Variants in SYNPO observed in about 807,000 individuals in gnomAD.
SYNPO encodes the protein synaptopodin.
In SYNPO, 19 loss-of-function variants were observed where a neutral mutation model predicts 49.5. The ratio of observed to expected loss-of-function variants is 0.38; its 90% CI spans 0.27 to 0.56. The LOEUF is 0.56. Among genes scored for constraint, SYNPO ranks in the 20% least tolerant of loss-of-function variants. The pLI is 0.68. For synonymous variants in SYNPO, 536 were observed against 548.0 expected (o/e 0.98, Z 0.31); for missense variants, 1,131 against 1,248.3 (o/e 0.91, Z 1.42).
intron 2 of SYNPO, among the ~76,000 whole-genome samples, chr5:150,630,416 A>G (rs1183904751): frequency 6.6e-6 from 1 of 152,156 alleles, no homozygotes; most frequent in Non-Finnish European, 1.5e-5. Flanking sequence ...GCTCCATAGG[A>G]AGATGAGATG....
Position 150,656,737 on chromosome 5 carries a change from GCGCCACCGCCCCCGCCCC to G in SYNPO, c.2367_2384del (p.Pro795_Pro800del), listed in dbSNP as rs1239165495. On this transcript the variant is annotated inframe_deletion, in exon 3 of 3. Coordinates refer to ENST00000307662, the MANE Select transcript of SYNPO (RefSeq NM_007286.6). ...CCCGCGGCCCTTCTCCCCGCCGAGG[GCGCCACCGCCCCCGCCCC>G]CGCCCCCGCCCCCGCCCCCGCGCAT... The G allele has an allele frequency of 7.0e-6, 9 of 1,285,216 alleles. No homozygotes were observed. In the Admixed American group the frequency reaches 1.2e-4, roughly 17 times the overall value. 79.6% of individuals were successfully genotyped at this position (1,285,216 alleles called of 1,614,324 possible). A position where few individuals can be genotyped will look rare whatever the true frequency, so the allele number is the denominator to read the frequency against.
chr5:150,609,407 G>C (rs1756782118), intron 1 of SYNPO, among the ~76,000 whole-genome samples: 1 of 152,100 alleles, frequency 6.6e-6, no homozygotes, highest in South Asian at 2.1e-4. Flanking sequence ...CAATTCTCCT[G>C]CCTCAGCCTC....
the SYNPO span, among the ~76,000 whole-genome samples, chr5:150,591,495 A>G: frequency 6.6e-6 from 1 of 152,202 alleles, no homozygotes; most frequent in South Asian, 2.1e-4. Context: ...ACAGATGGGA[A>G]AGGGCAGAAG....
At chr5:150,593,562 A>G in the SYNPO span, among the ~76,000 whole-genome samples, 1 of 151,900 alleles carries the variant, frequency 6.6e-6, no homozygotes, top group Non-Finnish European at 1.5e-5. Context: ...CCCACACTCA[A>G]ACCATCCTCT....
chr5:150,608,240 A>G (rs1424437563), intron 1 of SYNPO, among the ~76,000 whole-genome samples: 2 of 152,190 alleles, frequency 1.3e-5, no homozygotes, highest in African/African-American at 4.8e-5. Context: ...AAGTCCTTCA[A>G]CCCAGGAGCT....
chr5:150,618,751 A>G, exon 2 of SYNPO: 1 of 1,551,240 alleles, frequency 6.4e-7, no homozygotes, highest in Non-Finnish European at 8.7e-7. Flanking sequence ...CTGGGCCCAG[A>G]GTGGCCCAGA....
chr5:150,656,988 T>A lies in SYNPO; in HGVS notation c.2613T>A (p.Ser871=). The part of the protein sequence containing the change: ...SLDSEDSGAK[S]PGILGYNICP... Reference sequence around the variant, plus strand: ...ACTCCGAGGACTCCGGGGCTAAGTCTCCAGGCATCCTGGGCTACAATATCT... The same window carrying A: ...ACTCCGAGGACTCCGGGGCTAAGTCACCAGGCATCCTGGGCTACAATATCT... The change falls in exon 3 of 3, where the codon TCT becomes TCA. Residue 871 remains serine (S), a synonymous_variant. Coordinates refer to ENST00000307662, the MANE Select transcript of SYNPO (RefSeq NM_007286.6). The A allele has an allele frequency of 6.3e-7, 1 of 1,599,996 alleles. No homozygotes were observed. Among genetic ancestry groups the A allele is most frequent in the East Asian group, 2.3e-5 (1 of 44,270 alleles).
the SYNPO span, among the ~76,000 whole-genome samples, chr5:150,592,344 C>G: frequency 6.6e-6 from 1 of 152,046 alleles, no homozygotes; most frequent in East Asian, 1.9e-4. Context: ...ACTGGGTCTC[C>G]TGTATTTGTA....
At position 150,650,029 on chromosome 5, in the gene SYNPO, C is replaced by T. The variant is rs779083053; in HGVS notation, c.1754C>T (p.Pro585Leu). The stretch of plus-strand genomic sequence containing the variant: ...ATCAAGGAGCCTGCCAAGGTCTCAC[C>T]AAGAGCTGCCTCGCCCGCCAAGCCC... Reference protein sequence around the residue: ...SPIKEPAKVSPRAASPAKPSS... With the variant: ...SPIKEPAKVSLRAASPAKPSS... Residue 585 changes from proline (P) to leucine (L), a missense_variant, in exon 2 of 3, where the codon CCA becomes CTA. By Grantham distance (98) the Pro-to-Leu change is moderately conservative. Transcript: ENST00000307662. 1.9e-6 allele frequency: 3 copies of T among 1,612,626 alleles called. No homozygotes were observed. The highest frequency in any genetic ancestry group is 2.5e-6 in the Non-Finnish European group (3 of 1,179,986).
intron 2 of SYNPO, among the ~76,000 whole-genome samples, chr5:150,655,942 C>T (rs955172622): frequency 6.6e-6 from 1 of 152,244 alleles, no homozygotes; most frequent in South Asian, 2.1e-4. Context: ...CGGGCCACCG[C>T]GCCAAGCCCT....
intron 2 of SYNPO, chr5:150,650,849 T>C (rs1308045473): frequency 4.7e-6 from 6 of 1,270,178 alleles, no homozygotes; most frequent in East Asian, 3.0e-5. Flanking sequence ...CTCACCTCCA[T>C]GGGCCTGTCT....
exon 2 of SYNPO, chr5:150,618,205 C>A: frequency 1.2e-6 from 1 of 849,530 alleles, no homozygotes; most frequent in Non-Finnish European, 1.8e-6. Flanking sequence ...CTCAGCCAGA[C>A]CTCACCCCAA....
chr5:150,640,032 C>T (rs1757844369), upstream of SYNPO: 1 of 709,654 alleles, frequency 1.4e-6, no homozygotes, highest in South Asian at 6.3e-5. Context: ...CTGCACCCCT[C>T]TGAGCCAGCG....
intron 2 of SYNPO, among the ~76,000 whole-genome samples, chr5:150,634,080 A>T (rs1360074028): frequency 2.6e-5 from 4 of 152,190 alleles, no homozygotes; most frequent in Non-Finnish European, 4.4e-5. Context: ...GTGTTCACTA[A>T]CTTACACACT....
chr5:150,650,394 C>G, intron 2 of SYNPO, 91 bp downstream of exon 2: 2 of 1,571,628 alleles, frequency 1.3e-6, no homozygotes, highest in Non-Finnish European at 1.7e-6. Flanking sequence ...AGATGGAGAG[C>G]AGATGTGGCA....
intron 1 of SYNPO, among the ~76,000 whole-genome samples, chr5:150,604,513 C>T (rs1351678130): frequency 6.6e-6 from 1 of 152,144 alleles, no homozygotes; most frequent in Non-Finnish European, 1.5e-5. Flanking sequence ...GGCAACAATG[C>T]AGTTTATCTA....
At chr5:150,591,726 C>T in the SYNPO span, among the ~76,000 whole-genome samples, 8 of 152,100 alleles carry the variant, frequency 5.3e-5, no homozygotes, top group Non-Finnish European at 1.2e-4. Flanking sequence ...AAATAAAATA[C>T]AATAAAAACA....
intron 2 of SYNPO, among the ~76,000 whole-genome samples, chr5:150,627,636 A>C (rs905289478): frequency 2.6e-5 from 4 of 152,216 alleles, no homozygotes; most frequent in African/African-American, 9.7e-5. Flanking sequence ...GTTAAGATGG[A>C]GAGCAGTTAG....
chr5:150,617,332 G>A (rs1220786029), intron 1 of SYNPO, among the ~76,000 whole-genome samples: 1 of 151,940 alleles, frequency 6.6e-6, no homozygotes, highest in Non-Finnish European at 1.5e-5. Flanking sequence ...TTTCTGCTCT[G>A]TTGCCCAGGC....
Sources: allele counts gnomAD v4.1 joint callset (sites outside exome capture counted in the v4.1 genomes callset), GRCh38; gene constraint gnomAD v4.1.1; transcripts MANE v1.5; gene names NCBI Gene and HGNC (gene_info 2026-07-23, HGNC 2026-07-21).